The following LARS1 variants were observed in gnomAD, a reference collection of about 807,000 sequenced individuals.
LARS1 encodes the protein leucine--tRNA ligase, cytoplasmic.
LARS1 carries 100 observed loss-of-function variants against 162.8 expected under a neutral mutation model. That is an observed-to-expected ratio of 0.61 (90% CI 0.52 to 0.73). The LOEUF (loss-of-function observed/expected upper bound fraction) is 0.73. LARS1 is among the 30% of genes least tolerant of loss of function. The pLI, the probability that LARS1 is intolerant of heterozygous loss-of-function variation, is 0.00. For synonymous variants in LARS1, 457 were observed against 462.8 expected, an observed-to-expected ratio of 0.99 and a Z score of 0.16; for missense variants, 1,258 against 1,408.9, an observed-to-expected ratio of 0.89 and a Z score of 1.71.
In LARS1 at chr5:146,168,283, G is replaced by C; in HGVS notation, c.295-18C>G. ...GCACATGCCTACAACGAATATTAGA[G>C]ATAATGAAGTTCAAAATCAAGGTAG... On this transcript the variant is annotated intron_variant, in intron 4 of 31. Coordinates refer to ENST00000394434, the MANE Select transcript of LARS1 (RefSeq NM_020117.11). The C allele has an allele frequency of 6.3e-7, 1 of 1,577,566 alleles. No individual in the cohort carries two copies. Among genetic ancestry groups the C allele is most frequent in the Non-Finnish European group, 8.6e-7 (1 of 1,167,722 alleles).
Position 146,132,993 on chromosome 5 carries a change from C to A in LARS1, c.2301G>T (p.Leu767=). ...EAMADAGILR[L]YTWVEWVKEM... ...CTTTCACCCACTCTACCCAGGTGTA[C>A]AGACGGAGAATACCTGCATCTGCCA... The change falls in exon 23 of 32, where the codon CTG becomes CTT. Residue 767 remains leucine, a synonymous_variant. Transcript: ENST00000394434. 6.2e-7 allele frequency: 1 copy of A among 1,614,106 alleles called. No homozygotes were observed. The highest frequency in any genetic ancestry group is 1.3e-5 in the African/African-American group (1 of 75,046).
rs1473420438 is a variant in LARS1, at chr5:146,147,468, A to T, written c.1503+2154T>A. The stretch of plus-strand genomic sequence containing the variant: ...TTGAACTGGCCCAAAATTAGTAATT[A>T]TTGAATCCGGGTGATAGGTATTACA... On this transcript the variant is annotated intron_variant, in intron 15 of 31. Transcript: ENST00000394434. Among the ~76,000 whole-genome samples, 4 of 152,044 alleles carry T rather than the reference A, an allele frequency of 2.6e-5. No individual in the cohort carries two copies. In the South Asian group the frequency reaches 8.3e-4, roughly 31 times the overall value.
chr5:146,155,014 G>T (rs1419367763), intron 10 of LARS1, among the ~76,000 whole-genome samples: 1 of 151,766 alleles, frequency 6.6e-6, no homozygotes, highest in Non-Finnish European at 1.5e-5. Flanking sequence ...ACCACGCCTG[G>T]CTAATTTCTG....
chr5:146,120,310 T>C, intron 31 of LARS1, 61 bp downstream of exon 31: 3 of 1,557,368 alleles, frequency 1.9e-6, no homozygotes, highest in Non-Finnish European at 1.7e-6. Context: ...TTTTCCTTTC[T>C]GCTTAGAACT....
At chr5:146,140,138 T>C (rs1247377517) in intron 21 of LARS1, 66 bp downstream of exon 21, 3 of 1,232,834 alleles carry the variant, frequency 2.4e-6, no homozygotes, top group Non-Finnish European at 3.6e-6. Context: ...TAAAAAAAAG[T>C]GCAACAACCT....
chr5:146,124,791 T>C (rs1306396435), intron 28 of LARS1, among the ~76,000 whole-genome samples: 4 of 151,868 alleles, frequency 2.6e-5, no homozygotes, highest in Non-Finnish European at 5.9e-5. Context: ...ACTATGCAAG[T>C]TCTATTTCTT....
intron 5 of LARS1, among the ~76,000 whole-genome samples, chr5:146,165,264 C>A (rs1033478276): frequency 6.6e-6 from 1 of 152,024 alleles, no homozygotes; most frequent in African/African-American, 2.4e-5. Context: ...AACCGGGAGG[C>A]GGAGGTTGCA....
Position 146,157,591 on chromosome 5 carries a change from T to C in LARS1, c.877A>G (p.Thr293Ala), listed in dbSNP as rs770148280. 6 of 1,613,706 alleles carry C rather than the reference T, an allele frequency of 3.7e-6. No homozygotes were observed. The highest frequency in any genetic ancestry group is 2.2e-5 in the East Asian group (1 of 44,852). Residue 293 changes from threonine to alanine, a missense_variant, in exon 10 of 32, where the codon ACT becomes GCT. Transcript: ENST00000394434. ...CCAAACATGGTCTCAGGTCTGAGAG[T>C]AGCAGCCACCAAGAAAATATTTTTA... Reference protein sequence around the residue: ...KGKNIFLVAATLRPETMFGQT... With the variant: ...KGKNIFLVAAALRPETMFGQT...
At chr5:146,171,383 T>C (rs1754270069) in intron 4 of LARS1, among the ~76,000 whole-genome samples, 1 of 151,652 alleles carries the variant, frequency 6.6e-6, no homozygotes, top group African/African-American at 2.4e-5. Context: ...TAAAGTAAAA[T>C]AAAATAAAAT....
chr5:146,152,818 A>T (rs1753353535), intron 13 of LARS1, among the ~76,000 whole-genome samples: 1 of 141,898 alleles, frequency 7.0e-6, no homozygotes, highest in Admixed American at 7.6e-5. Flanking sequence ...ACAGAGTTGT[A>T]CAGGACTTTG....
At chr5:146,165,131 C>T (rs1330834598) in intron 5 of LARS1, among the ~76,000 whole-genome samples, 4 of 152,154 alleles carry the variant, frequency 2.6e-5, no homozygotes, top group South Asian at 2.1e-4. Flanking sequence ...GTCAGGACTT[C>T]GAGACCAGCC....
At chr5:146,174,521 CAT>C (rs60132964) in intron 2 of LARS1, among the ~76,000 whole-genome samples, 8,099 of 17,400 alleles carry the variant, frequency 0.47, 1,768 homozygotes, top group East Asian at 0.76. Context: ...TATATATATC[CAT>C]ATATATATAT....
At chr5:146,133,240 A>T (rs1454750175) in intron 22 of LARS1, among the ~76,000 whole-genome samples, 159 bp from the exon 23 acceptor site, 1 of 152,216 alleles carries the variant, frequency 6.6e-6, no homozygotes, top group Non-Finnish European at 1.5e-5. Flanking sequence ...AAATCACCAA[A>T]AAGTAGCATC....
chr5:146,144,236 AT>A, intron 18 of LARS1, 30 bp downstream of exon 18: 1 of 1,527,778 alleles, frequency 6.5e-7, no homozygotes, highest in Non-Finnish European at 9.0e-7. Flanking sequence ...TGGCAAAGTT[AT>A]CCAAACAGAA....
At chr5:146,135,424 T>A (rs1408194697) in intron 22 of LARS1, among the ~76,000 whole-genome samples, 177 bp downstream of exon 22, 1 of 152,208 alleles carries the variant, frequency 6.6e-6, no homozygotes, top group Admixed American at 6.5e-5. Flanking sequence ...GAACACATCA[T>A]GTCAGCAATT....
At position 146,130,142 on chromosome 5, in the gene LARS1, T is replaced by C. The variant is rs770802595; in HGVS notation, c.2504A>G (p.Tyr835Cys). 2 of 1,613,070 alleles carry C rather than the reference T, an allele frequency of 1.2e-6. No individual in the cohort carries two copies. The highest frequency in any genetic ancestry group is 1.7e-6 in the Non-Finnish European group (2 of 1,179,674). Residue 835 changes from tyrosine to cysteine, a missense_variant, in exon 25 of 32, where the codon TAC becomes TGC. By Grantham distance (194) the Tyr-to-Cys change is radical. Transcript: ENST00000394434. ...CATCCCTTCCACAGCCAATTCACGG[T>C]ACTTATCTTTTGCGGCCTATAAAAT... ...FFEFQAAKDK[Y>C]RELAVEGMHR...
At chr5:146,180,251 G>T (rs960663757) in intron 1 of LARS1, among the ~76,000 whole-genome samples, 1 of 152,094 alleles carries the variant, frequency 6.6e-6, no homozygotes, top group African/African-American at 2.4e-5. Flanking sequence ...TAAAAAATAT[G>T]GCCAGGTGCA....
intron 15 of LARS1, among the ~76,000 whole-genome samples, chr5:146,145,246 GTTAATTTT>G (rs1752961323): frequency 6.6e-6 from 1 of 150,740 alleles, no homozygotes; most frequent in Non-Finnish European, 1.5e-5. Flanking sequence ...AACCCACCCA[GTTAATTTT>G]TTAATTTTTT....
In LARS1 at chr5:146,171,963, C is replaced by A; in HGVS notation, c.241G>T (p.Gly81Ter). The change falls in exon 4 of 32, where the codon GGA (glycine) becomes TGA (stop). Residue 81 changes from glycine (G) to a stop codon, truncating the protein, a stop_gained. Coordinates refer to ENST00000394434, the MANE Select transcript of LARS1 (RefSeq NM_020117.11). LOFTEE classifies it high-confidence loss of function. ...CCAAAGGGAAACAGACAACATTTTC[C>A]TTTCAATCGCTGGTACCCTACAGCA... ...EFAVGYQRLKGKCCLFPFGLH... is the reference protein window; with the variant it reads ...EFAVGYQRLK 1 of 1,613,872 alleles carries A rather than the reference C, an allele frequency of 6.2e-7. No homozygotes were observed. Among genetic ancestry groups the A allele is most frequent in the Non-Finnish European group, 8.5e-7 (1 of 1,179,864 alleles).
Sources: gnomAD v4.1 joint callset for allele counts (sites outside exome capture counted in the v4.1 genomes callset) on GRCh38, gnomAD v4.1.1 for gene constraint, MANE v1.5 for transcripts, NCBI Gene and HGNC (gene_info 2026-07-23, HGNC 2026-07-21) for gene names.